Variants in NUTF2 observed in about 807,000 individuals in gnomAD.
NUTF2 encodes placental protein 15.
In NUTF2, 3 loss-of-function variants were observed where a neutral mutation model predicts 18.5. That is an observed-to-expected ratio of 0.16 (90% CI 0.07 to 0.42). The LOEUF (loss-of-function observed/expected upper bound fraction) is 0.42. Among genes scored for constraint, NUTF2 ranks in the 10% least tolerant of loss-of-function variants. The pLI is 0.99. For synonymous variants in NUTF2, 51 were observed against 57.9 expected, an observed-to-expected ratio of 0.88 and a Z score of 0.54; for missense variants, 44 against 160.7, an observed-to-expected ratio of 0.27 and a Z score of 3.93.
chr16:67,853,406 G>A (rs1162921069), intron 1 of NUTF2, among the ~76,000 whole-genome samples: 1 of 152,188 alleles, frequency 6.6e-6, no homozygotes, highest in African/African-American at 2.4e-5. Context: ...CTCCCAGGCT[G>A]GAGTGCAGTG....
chr16:67,865,675 T>C (rs1025251976), intron 2 of NUTF2, among the ~76,000 whole-genome samples: 1 of 151,946 alleles, frequency 6.6e-6, no homozygotes, highest in Non-Finnish European at 1.5e-5. Context: ...GGGAGGCTGA[T>C]AGGTCATTTC....
intron 4 of NUTF2, among the ~76,000 whole-genome samples, chr16:67,869,028 G>T (rs1279132030): frequency 1.3e-5 from 2 of 152,036 alleles, no homozygotes; most frequent in African/African-American, 4.8e-5. Context: ...CCACTCCTCA[G>T]GCTGGCTGCT....
intron 2 of NUTF2, among the ~76,000 whole-genome samples, chr16:67,865,997 C>T (rs188383295): frequency 7.2e-5 from 11 of 152,146 alleles, no homozygotes; most frequent in African/African-American, 2.7e-4. Flanking sequence ...GGATTACAGG[C>T]GTGAGCCACT....
chr16:67,869,651 G>A (rs2151301630), intron 4 of NUTF2, among the ~76,000 whole-genome samples: 1 of 152,050 alleles, frequency 6.6e-6, no homozygotes, highest in Admixed American at 6.5e-5. Flanking sequence ...CAGGCATGGT[G>A]GCACATGCCT....
chr16:67,863,023 A>AT lies in NUTF2; in HGVS notation c.-29-2077dup, dbSNP rs535236288. On this transcript the variant is annotated intron_variant, in intron 1 of 4. Transcript: ENST00000219169. ...GGAAGCTGCAGCAGGGTCAGGGCAC[A>AT]TTGAGTGACTAAGCATAGCAAGTAC... Among the ~76,000 whole-genome samples the AT allele has an allele frequency of 1.6e-3, 239 of 152,268 alleles. 1 individual carries two copies. In the Middle Eastern group the frequency reaches 0.017, roughly 11 times the overall value.
chr16:67,865,166 C>T lies in NUTF2; in HGVS notation c.36C>T (p.Ser12=). ...AGCCAATTTGGGAGCAGATTGGATC[C>T]AGCTTCATTCAACATTACTACCAGT... is the stretch of plus-strand genomic sequence containing the variant. ...GDKPIWEQIG[S]SFIQHYYQLF... Residue 12 remains serine, a synonymous_variant, in exon 2 of 5, where the codon TCC becomes TCT. Coordinates refer to ENST00000219169, the MANE Select transcript of NUTF2 (RefSeq NM_005796.3). 6.2e-7 allele frequency: 1 copy of T among 1,612,914 alleles called. No individual in the cohort carries two copies.
At chr16:67,848,082 C>A (rs140796299) in intron 1 of NUTF2, among the ~76,000 whole-genome samples, 1 of 152,300 alleles carries the variant, frequency 6.6e-6, no homozygotes, top group Non-Finnish European at 1.5e-5. Flanking sequence ...TATGAAATTG[C>A]CCTTACTGAT....
chr16:67,868,447 C>T, intron 3 of NUTF2, 36 bp downstream of exon 3: 2 of 1,613,550 alleles, frequency 1.2e-6, no homozygotes, highest in Non-Finnish European at 8.5e-7. Flanking sequence ...CAGGTGGCTC[C>T]TTTCCCACCC....
At chr16:67,869,147 C>T (rs1392803065) in intron 4 of NUTF2, among the ~76,000 whole-genome samples, 1 of 150,848 alleles carries the variant, frequency 6.6e-6, no homozygotes, top group Admixed American at 6.6e-5. Context: ...TGCAGTGGCA[C>T]AATCTCAGCT....
At chr16:67,857,513 C>A (rs900335876) in intron 1 of NUTF2, among the ~76,000 whole-genome samples, 2 of 152,142 alleles carry the variant, frequency 1.3e-5, no homozygotes, top group Middle Eastern at 3.2e-3. Context: ...TCTAGGCCAT[C>A]TCCATGGTGT....
chr16:67,861,862 C>CCCT (rs34422060), intron 1 of NUTF2, among the ~76,000 whole-genome samples: 4,683 of 152,300 alleles, frequency 0.031, 98 homozygotes, highest in Non-Finnish European at 0.044. Context: ...TGGCCTGGAC[C>CCCT]CCTCCCTCAT....
intron 1 of NUTF2, among the ~76,000 whole-genome samples, chr16:67,864,634 T>C (rs2057957893): frequency 6.6e-6 from 1 of 150,988 alleles, no homozygotes. Flanking sequence ...TAGTACAAAA[T>C]AGTACACACA....
chr16:67,864,730 A>G (rs1481433215), intron 1 of NUTF2, among the ~76,000 whole-genome samples: 1 of 152,130 alleles, frequency 6.6e-6, no homozygotes, highest in Non-Finnish European at 1.5e-5. Context: ...TTACATGGAA[A>G]GATACTGGAG....
At chr16:67,850,963 G>A (rs2151293994) in intron 1 of NUTF2, among the ~76,000 whole-genome samples, 1 of 152,008 alleles carries the variant, frequency 6.6e-6, no homozygotes, top group South Asian at 2.1e-4. Context: ...ACCACACCCA[G>A]CTAATTTTTG....
intron 1 of NUTF2, among the ~76,000 whole-genome samples, chr16:67,861,898 C>A (rs1243689313): frequency 6.6e-6 from 1 of 152,160 alleles, no homozygotes; most frequent in Non-Finnish European, 1.5e-5. Flanking sequence ...GATGGGGGCT[C>A]TGCACTCTTG....
At chr16:67,858,248 A>G (rs763354684) in intron 1 of NUTF2, among the ~76,000 whole-genome samples, 5 of 152,106 alleles carry the variant, frequency 3.3e-5, no homozygotes, top group Non-Finnish European at 5.9e-5. Flanking sequence ...GCTCACTACA[A>G]TATTTGCCTC....
intron 1 of NUTF2, among the ~76,000 whole-genome samples, chr16:67,861,841 A>T (rs1338368427): frequency 6.6e-6 from 1 of 152,136 alleles, no homozygotes; most frequent in East Asian, 1.9e-4. Context: ...TCTGGGGAAC[A>T]TCTTCCAGCC....
In NUTF2 at chr16:67,865,315, A is replaced by ACTT. The variant is rs2057963084; in HGVS notation, c.99+86_99+87insCTT. The ACTT allele has an allele frequency of 1.3e-5, 12 of 948,428 alleles. No individual in the cohort carries two copies. The South Asian group carries it at 1.7e-4, about 14-fold the overall frequency. The allele number at this position is 948,428 out of a possible 1,614,324, so 58.8% of individuals were successfully genotyped here. A position where few individuals can be genotyped will look rare whatever the true frequency, so the allele number is the denominator to read the frequency against. ...GTGTGTCCAGTTCACAAGTTCTGGCAGCCCTATCTGGACTGGCTACACCTC... is the reference window on the plus strand; with the variant it reads ...GTGTGTCCAGTTCACAAGTTCTGGCACTTGCCCTATCTGGACTGGCTACACCTC... On this transcript the variant is annotated intron_variant, in intron 2 of 4. Transcript: ENST00000219169.
At chr16:67,852,007 A>G (rs2057863003) in intron 1 of NUTF2, among the ~76,000 whole-genome samples, 1 of 151,034 alleles carries the variant, frequency 6.6e-6, no homozygotes, top group Non-Finnish European at 1.5e-5. Context: ...CAACAGCGAA[A>G]CTCCATCTTG....
Sources: gnomAD v4.1 joint callset for allele counts (sites outside exome capture counted in the v4.1 genomes callset) on GRCh38, gnomAD v4.1.1 for gene constraint, MANE v1.5 for transcripts, NCBI Gene and HGNC (gene_info 2026-07-23, HGNC 2026-07-21) for gene names.